RYR2: variants seen among roughly 807,000 people sequenced by gnomAD.
RYR2 encodes ryanodine receptor 2, also known as cardiac muscle ryanodine receptor-calcium release channel.
RYR2 carries 227 observed loss-of-function variants against 601.1 expected under a neutral mutation model. That is an observed-to-expected ratio of 0.38 (90% confidence interval 0.34 to 0.42). The LOEUF is 0.42. Ranked by LOEUF, RYR2 falls within the 10% of genes least tolerant of loss-of-function variation. The probability of loss-of-function intolerance (pLI) is 1.00; values close to 1 mark genes in which losing one functional copy is unlikely to be tolerated. For synonymous variants in RYR2, 2,223 were observed against 2,175.1 expected, an observed-to-expected ratio of 1.02 and a Z score of -0.61; for missense variants, 4,646 against 6,156.5, an observed-to-expected ratio of 0.75 and a Z score of 8.21.
chr1:237,708,414 C>A (rs909436226), intron 68 of RYR2, among the ~76,000 whole-genome samples: 5 of 152,094 alleles, frequency 3.3e-5, no homozygotes, highest in Admixed American at 2.0e-4. Flanking sequence ...AATAAGAGAG[C>A]AGTGTTCCAT....
At chr1:237,469,274 A>AAC in intron 17 of RYR2, 87 bp downstream of exon 17, 1 of 793,724 alleles carries the variant, frequency 1.3e-6, no homozygotes, top group Non-Finnish European at 1.8e-6. Context: ...AAAAAAAAAA[A>AAC]AAAAACAACT....
intron 1 of RYR2, among the ~76,000 whole-genome samples, chr1:237,255,766 G>A (rs985489219): frequency 2.6e-5 from 4 of 151,852 alleles, no homozygotes; most frequent in African/African-American, 9.7e-5. Flanking sequence ...ATTGGCACTC[G>A]ATTGATTGCA....
At chr1:237,824,988 C>T (rs1004334162) in intron 101 of RYR2, among the ~76,000 whole-genome samples, 3 of 152,174 alleles carry the variant, frequency 2.0e-5, no homozygotes, top group Non-Finnish European at 4.4e-5. Context: ...AGGAGAACTA[C>T]AAACTACCAC....
intron 84 of RYR2, among the ~76,000 whole-genome samples, chr1:237,761,592 C>T (rs1261731049): frequency 2.0e-5 from 3 of 152,172 alleles, no homozygotes; most frequent in African/African-American, 7.2e-5. Flanking sequence ...AGCAGAGATA[C>T]ACGTGATCTT....
At chr1:237,473,462 T>TTTCTTTCTTTCTTTCTTTC (rs1558878561) in intron 17 of RYR2, among the ~76,000 whole-genome samples, 3 of 125,158 alleles carry the variant, frequency 2.4e-5, no homozygotes, top group African/African-American at 5.2e-5. Flanking sequence ...TCTTTCTTTC[T>TTTCTTTCTTTCTTTCTTTC]ATCTATCTAT....
intron 27 of RYR2, among the ~76,000 whole-genome samples, chr1:237,553,354 C>T (rs939330459): frequency 2.6e-5 from 4 of 151,976 alleles, no homozygotes; most frequent in African/African-American, 4.8e-5. Flanking sequence ...ATTACCTTGG[C>T]GTCTTAGTCA....
In RYR2 at chr1:237,103,509, G is replaced by A. The variant is rs571149720; in HGVS notation, c.48+60940G>A. ...AACTGCTTCTGTGTGTGTCTGGGCC[G>A]TGGGCCTTCTGACCACCACCTTCCT... On this transcript the variant is annotated intron_variant, in intron 1 of 104. Coordinates refer to ENST00000366574, the MANE Select transcript of RYR2 (RefSeq NM_001035.3). Among the ~76,000 whole-genome samples, 15 of 152,296 alleles carry A rather than the reference G, an allele frequency of 9.8e-5. No individual in the cohort carries two copies. The South Asian group carries it at 1.9e-3, about 19-fold the overall frequency.
chr1:237,546,456 C>T (rs1559003892), intron 25 of RYR2, among the ~76,000 whole-genome samples: 1 of 152,168 alleles, frequency 6.6e-6, no homozygotes, highest in Non-Finnish European at 1.5e-5. Flanking sequence ...CGGCTCACTG[C>T]AACCTCTGCC....
intron 87 of RYR2, among the ~76,000 whole-genome samples, chr1:237,778,229 G>A (rs1041383187): frequency 6.6e-6 from 1 of 151,896 alleles, no homozygotes; most frequent in African/African-American, 2.4e-5. Flanking sequence ...CTATATGAAT[G>A]CTTTATCCAG....
chr1:237,642,930 T>C (rs1410942165), intron 47 of RYR2, among the ~76,000 whole-genome samples: 5 of 152,244 alleles, frequency 3.3e-5, no homozygotes, highest in Non-Finnish European at 5.9e-5. Flanking sequence ...TATTAGTATA[T>C]GTTCAGAGTC....
intron 2 of RYR2, among the ~76,000 whole-genome samples, chr1:237,306,604 G>C (rs1312133884): frequency 2.6e-5 from 4 of 151,540 alleles, no homozygotes; most frequent in Admixed American, 6.6e-5. Context: ...CCTTTTGTGT[G>C]ATAAACATCT....
At chr1:237,211,835 T>A (rs893474860) in intron 1 of RYR2, among the ~76,000 whole-genome samples, 1 of 152,182 alleles carries the variant, frequency 6.6e-6, no homozygotes, top group African/African-American at 2.4e-5. Context: ...ACAGCATGAT[T>A]TATTTACTCC....
chr1:237,793,490 T>C (rs1658707083), intron 94 of RYR2, among the ~76,000 whole-genome samples: 1 of 152,196 alleles, frequency 6.6e-6, no homozygotes, highest in African/African-American at 2.4e-5. Flanking sequence ...GTAGCATGCA[T>C]TTGGGAACAT....
intron 4 of RYR2, among the ~76,000 whole-genome samples, chr1:237,363,207 T>C (rs940312971): frequency 6.6e-6 from 1 of 152,130 alleles, no homozygotes; most frequent in Non-Finnish European, 1.5e-5. Flanking sequence ...TCTTTAGTGA[T>C]ATCTCTACCA....
chr1:237,499,161 A>T (rs536093440), intron 20 of RYR2, among the ~76,000 whole-genome samples: 17 of 152,256 alleles, frequency 1.1e-4, no homozygotes, highest in African/African-American at 4.1e-4. Flanking sequence ...ACATTTTGTA[A>T]TTGGAGAGTG....
chr1:237,552,727 T>C (rs1292617617), intron 27 of RYR2, among the ~76,000 whole-genome samples: 4 of 152,034 alleles, frequency 2.6e-5, no homozygotes, highest in Non-Finnish European at 5.9e-5. Flanking sequence ...TATTGCTCAG[T>C]GGCATTCCTT....
At chr1:237,050,237 A>G (rs1661086865) in intron 1 of RYR2, among the ~76,000 whole-genome samples, 2 of 152,190 alleles carry the variant, frequency 1.3e-5, no homozygotes, top group South Asian at 4.1e-4. Flanking sequence ...CTGCCAATTT[A>G]CTGGAAGAAA....
intron 67 of RYR2, among the ~76,000 whole-genome samples, chr1:237,706,209 A>T (rs999019569): frequency 6.6e-6 from 1 of 152,150 alleles, no homozygotes; most frequent in Admixed American, 6.5e-5. Context: ...AGACTGCGCC[A>T]CTGCACTCCA....
chr1:237,103,097 G>C (rs1668303319), intron 1 of RYR2, among the ~76,000 whole-genome samples: 1 of 152,160 alleles, frequency 6.6e-6, no homozygotes, highest in South Asian at 2.1e-4. Flanking sequence ...CTCAATCTTG[G>C]ATATTATAGT....
Sources: allele counts gnomAD v4.1 joint callset (sites outside exome capture counted in the v4.1 genomes callset), GRCh38; gene constraint gnomAD v4.1.1; transcripts MANE v1.5; gene names NCBI Gene and HGNC (gene_info 2026-07-23, HGNC 2026-07-21).